Variants in UNC13B observed in about 807,000 individuals in gnomAD.
The protein encoded by UNC13B is protein unc-13 homolog B.
In UNC13B, 144 loss-of-function variants were observed where a neutral mutation model predicts 211.0. The ratio of observed to expected loss-of-function variants is 0.68; its 90% CI spans 0.60 to 0.78. UNC13B has a LOEUF of 0.78. UNC13B is among the 30% of genes least tolerant of loss of function. UNC13B has a pLI of 0.00. For synonymous variants in UNC13B, 709 were observed against 725.8 expected (o/e 0.98, Z 0.37); for missense variants, 1,777 against 2,002.0 (o/e 0.89, Z 2.14).
chr9:35,208,495 CT>C, intron 1 of UNC13B, among the ~76,000 whole-genome samples: 1 of 152,296 alleles, frequency 6.6e-6, no homozygotes, highest in Middle Eastern at 3.4e-3. Flanking sequence ...GCTCACAGTT[CT>C]GCAGGCTGTA....
chr9:35,360,711 G>A (rs1833355259), intron 11 of UNC13B: 1 of 152,120 alleles, frequency 6.6e-6, no homozygotes, highest in Non-Finnish European at 1.5e-5. Flanking sequence ...GAGTGCAGTG[G>A]AGTGATCAGA....
chr9:35,379,815 G>A (rs1834696965), intron 17 of UNC13B, among the ~76,000 whole-genome samples: 1 of 152,158 alleles, frequency 6.6e-6, no homozygotes. Context: ...CATAGGGAAA[G>A]TAAGAGCACA....
At chr9:35,284,668 T>C (rs1236713003) in intron 7 of UNC13B, among the ~76,000 whole-genome samples, 5 of 152,208 alleles carry the variant, frequency 3.3e-5, no homozygotes, top group African/African-American at 9.6e-5. Context: ...TCTTTACTAC[T>C]GTCTTCCGTA....
chr9:35,233,766 T>G (rs889789983), intron 3 of UNC13B, among the ~76,000 whole-genome samples: 14 of 152,208 alleles, frequency 9.2e-5, no homozygotes, highest in Admixed American at 3.9e-4. Flanking sequence ...ACTATTTGTG[T>G]GCATTTGTGT....
At chr9:35,216,801 AAC>A (rs1387255809) in intron 1 of UNC13B, among the ~76,000 whole-genome samples, 1 of 152,220 alleles carries the variant, frequency 6.6e-6, no homozygotes, top group Non-Finnish European at 1.5e-5. Flanking sequence ...AAATAGTCTA[AAC>A]ACACAAATTT....
Position 35,404,142 on chromosome 9 carries a change from C to G in UNC13B, c.*109C>G. 7.1e-7 allele frequency: 1 copy of G among 1,407,912 alleles called. No homozygotes were observed. Among genetic ancestry groups the G allele is most frequent in the Non-Finnish European group, 9.4e-7 (1 of 1,062,262 alleles). 87.2% of individuals were successfully genotyped at this position (1,407,912 alleles called of 1,614,324 possible). On this transcript the variant is annotated 3_prime_UTR_variant, in exon 40 of 40. Transcript: ENST00000635942. ...GTCTTTGCAGTCAAGAGGCTGACCCCTTCAGTTAAAGATATTTAAGGAAAA... is the reference window on the plus strand; with the variant it reads ...GTCTTTGCAGTCAAGAGGCTGACCCGTTCAGTTAAAGATATTTAAGGAAAA...
chr9:35,308,584 A>G (rs1830036111), intron 9 of UNC13B, among the ~76,000 whole-genome samples, 172 bp downstream of exon 9: 1 of 152,108 alleles, frequency 6.6e-6, no homozygotes, highest in Non-Finnish European at 1.5e-5. Context: ...GTGTGTGGGT[A>G]TTTTCATCCT....
In UNC13B at chr9:35,228,052, C is replaced by T. The variant is rs1317489766; in HGVS notation, c.52+8C>T. 1 of 1,609,404 alleles carries T rather than the reference C, an allele frequency of 6.2e-7. No individual in the cohort carries two copies. Among genetic ancestry groups the T allele is most frequent in the Admixed American group, 1.7e-5 (1 of 59,268 alleles). ...AATTCCAGGGTTCACCAGGTAAGGC[C>T]AGCTTTCTATTATGTCTTTTCCTCT... On this transcript the variant is annotated splice_region_variant and intron_variant, in intron 2 of 39. Transcript: ENST00000635942.
chr9:35,320,088 C>T (rs1472960946), intron 11 of UNC13B, among the ~76,000 whole-genome samples: 1 of 152,174 alleles, frequency 6.6e-6, no homozygotes, highest in Non-Finnish European at 1.5e-5. Context: ...TTTATGGCTG[C>T]ATAGTATTCC....
chr9:35,219,522 C>T (rs1218628214), intron 1 of UNC13B, among the ~76,000 whole-genome samples: 1 of 150,208 alleles, frequency 6.7e-6, no homozygotes, highest in Admixed American at 6.7e-5. Context: ...GAGGCTAAGG[C>T]AGGAGGATTG....
chr9:35,288,991 G>A (rs1828943231), intron 7 of UNC13B, among the ~76,000 whole-genome samples: 1 of 99,226 alleles, frequency 1.0e-5, no homozygotes, highest in African/African-American at 3.7e-5. Context: ...TATGGCAACT[G>A]TTCTACAGGA....
At chr9:35,264,443 A>G (rs1827455877) in intron 7 of UNC13B, among the ~76,000 whole-genome samples, 1 of 152,222 alleles carries the variant, frequency 6.6e-6, no homozygotes, top group African/African-American at 2.4e-5. Flanking sequence ...TAAATTGCAT[A>G]TTTAGCAGAA....
intron 7 of UNC13B, among the ~76,000 whole-genome samples, chr9:35,268,022 C>G (rs1827669877): frequency 6.6e-6 from 1 of 152,180 alleles, no homozygotes; most frequent in Admixed American, 6.6e-5. Context: ...TCTGCCTCCT[C>G]TGTTCTTTTT....
Position 35,162,193 on chromosome 9 carries a change from G to A in UNC13B, c.-91G>A. 3 of 1,529,990 alleles carry A rather than the reference G, an allele frequency of 2.0e-6. No homozygotes were observed. Among genetic ancestry groups the A allele is most frequent in the Non-Finnish European group, 2.6e-6 (3 of 1,138,208 alleles). The allele number at this position is 1,529,990 out of a possible 1,614,324, so 94.8% of individuals were successfully genotyped here. On this transcript the variant is annotated 5_prime_UTR_variant, in exon 1 of 40. Coordinates refer to ENST00000635942, the MANE Select transcript of UNC13B (RefSeq NM_001371189.2). ...AGGAGCTGCCAGACCCGTGGGGCCG[G>A]TAACGAGAGCAGTCGCGGCACCTGC...
intron 1 of UNC13B, among the ~76,000 whole-genome samples, chr9:35,209,832 A>G (rs575971095): frequency 6.6e-6 from 1 of 152,100 alleles, no homozygotes; most frequent in African/African-American, 2.4e-5. Flanking sequence ...TTATTCCCAG[A>G]CTGACATTTG....
chr9:35,359,185 A>G, intron 11 of UNC13B, among the ~76,000 whole-genome samples: 1 of 152,134 alleles, frequency 6.6e-6, no homozygotes, highest in East Asian at 1.9e-4. Context: ...ACTCAATTCT[A>G]TTCTATTGAT....
chr9:35,286,716 C>T (rs1828817170), intron 7 of UNC13B, among the ~76,000 whole-genome samples: 1 of 152,084 alleles, frequency 6.6e-6, no homozygotes, highest in Non-Finnish European at 1.5e-5. Flanking sequence ...ACTAATACTA[C>T]TTATAATAGA....
In UNC13B at chr9:35,308,427, C is replaced by G. The variant is rs1830030427; in HGVS notation, c.9008+15C>G. On this transcript the variant is annotated intron_variant, in intron 9 of 39. Transcript: ENST00000635942. ...ACCAACAAAAGGCCTGTTCTTAACT[C>G]AAGCATCATAAATGGCTTTAAGGAA... is the stretch of plus-strand genomic sequence containing the variant. The G allele has an allele frequency of 2.5e-6, 1 of 398,060 alleles. No individual in the cohort carries two copies. Among genetic ancestry groups the G allele is most frequent in the Admixed American group, 4.4e-5 (1 of 22,684 alleles). The allele number at this position is 398,060 out of a possible 1,614,324, so 24.7% of individuals were successfully genotyped here.
chr9:35,351,672 A>G, intron 11 of UNC13B: 1 of 1,232,262 alleles, frequency 8.1e-7, no homozygotes, highest in Non-Finnish European at 1.0e-6. Flanking sequence ...TTACCAGAGG[A>G]CAACTCCCTG....
Sources: gnomAD v4.1 joint callset for allele counts (sites outside exome capture counted in the v4.1 genomes callset) on GRCh38, gnomAD v4.1.1 for gene constraint, MANE v1.5 for transcripts, NCBI Gene and HGNC (gene_info 2026-07-23, HGNC 2026-07-21) for gene names.